The following SLC27A2 variants were observed in gnomAD, a reference collection of about 807,000 sequenced individuals.
SLC27A2 encodes the protein solute carrier family 27 member 2.
Under a neutral mutation model 60.0 loss-of-function variants are expected in SLC27A2, and 54 were observed. The ratio of observed to expected loss-of-function variants is 0.90; its 90% CI spans 0.72 to 1.13. The LOEUF is 1.13. Ranked by LOEUF, SLC27A2 falls within the 50% of genes most tolerant of loss-of-function variation. The pLI, the probability that SLC27A2 is intolerant of heterozygous loss-of-function variation, is 0.00. For missense variants in SLC27A2, 739 were observed against 777.6 expected (o/e 0.95, Z 0.59); for synonymous variants, 297 against 297.6 (o/e 1.00, Z 0.02).
chr15:50,205,288 T>A lies in SLC27A2; in HGVS notation c.897T>A (p.Asp299Glu). 6.2e-7 allele frequency: 1 copy of A among 1,609,976 alleles called. No individual in the cohort carries two copies. Among genetic ancestry groups the A allele is most frequent in the Non-Finnish European group, 8.5e-7 (1 of 1,177,364 alleles). The change falls in exon 4 of 10, where the codon GAT becomes GAA. Residue 299 changes from aspartate to glutamate, a missense_variant. Asp to Glu is a conservative substitution (Grantham distance 45). Transcript: ENST00000267842. ...AATTTTCAGCCAGCCAGTTTTGGGA[T>A]GACTGCAGAAAATACAACGTCACTG... ...RTKFSASQFW[D>E]DCRKYNVTVI...
chr15:50,229,063 G>C (rs1354473646), intron 8 of SLC27A2, 21 bp downstream of exon 8: 8 of 1,439,960 alleles, frequency 5.6e-6, no homozygotes, highest in Non-Finnish European at 7.5e-6. Flanking sequence ...GATATGATCT[G>C]TACCTAACCC....
chr15:50,186,848 T>C (rs1036523174), intron 1 of SLC27A2, among the ~76,000 whole-genome samples: 1 of 152,202 alleles, frequency 6.6e-6, no homozygotes, highest in Non-Finnish European at 1.5e-5. Flanking sequence ...CAAATATTTT[T>C]TTCTCACTTA....
At chr15:50,206,611 A>G (rs570051654) in intron 4 of SLC27A2, among the ~76,000 whole-genome samples, 28 of 152,150 alleles carry the variant, frequency 1.8e-4, no homozygotes, top group African/African-American at 6.7e-4. Context: ...CCAGCTTGTC[A>G]CTGCATTTCA....
intron 7 of SLC27A2, among the ~76,000 whole-genome samples, chr15:50,227,530 A>G (rs1334347257): frequency 1.3e-5 from 2 of 152,226 alleles, no homozygotes; most frequent in African/African-American, 4.8e-5. Context: ...TTTAGATAAA[A>G]TCAGATGCAA....
intron 1 of SLC27A2, among the ~76,000 whole-genome samples, chr15:50,193,028 C>T (rs1168725662): frequency 6.6e-6 from 1 of 152,144 alleles, no homozygotes; most frequent in Admixed American, 6.6e-5. Flanking sequence ...ACCTCTTCTC[C>T]CAACCTTATT....
rs1196413522 is a variant in SLC27A2, at chr15:50,228,985, A to G, written c.1498A>G (p.Thr500Ala). The change falls in exon 8 of 10, where the codon ACA becomes GCA. Residue 500 changes from threonine to alanine, a missense_variant. Transcript: ENST00000267842. ...ENVATTEVAD[T>A]VGLVDFVQEV... ...TGTGGCCACCACTGAAGTTGCTGATACAGTTGGACTGGTTGATTTTGTCCA... is the reference window on the plus strand; with the variant it reads ...TGTGGCCACCACTGAAGTTGCTGATGCAGTTGGACTGGTTGATTTTGTCCA... 1.2e-6 allele frequency: 2 copies of G among 1,614,106 alleles called. No individual in the cohort carries two copies. The highest frequency in any genetic ancestry group is 2.2e-5 in the South Asian group (2 of 91,076).
intron 8 of SLC27A2, among the ~76,000 whole-genome samples, chr15:50,230,609 C>T (rs557828931): frequency 2.0e-5 from 3 of 152,152 alleles, no homozygotes; most frequent in South Asian, 2.1e-4. Flanking sequence ...GACAATGACA[C>T]GAGGGGAAAT....
intron 4 of SLC27A2, among the ~76,000 whole-genome samples, chr15:50,212,719 G>A (rs1350157039): frequency 6.6e-6 from 1 of 152,104 alleles, no homozygotes; most frequent in Non-Finnish European, 1.5e-5. Context: ...AGATACAGTC[G>A]TTTTCAGACA....
chr15:50,223,168 A>G lies in SLC27A2; in HGVS notation c.1167+9A>G, dbSNP rs994959895. 4.4e-6 allele frequency: 7 copies of G among 1,600,166 alleles called. No homozygotes were observed. The highest frequency in any genetic ancestry group is 4.0e-5 in the African/African-American group (3 of 74,500). On this transcript the variant is annotated intron_variant, in intron 5 of 9. Transcript: ENST00000267842. ...TAAACTACCTACAGAAAGTAAGTAC[A>G]TTGAAAAATGAGAGCATACGTAGCC...
intron 8 of SLC27A2, among the ~76,000 whole-genome samples, 170 bp from the exon 9 acceptor site, chr15:50,233,698 A>G (rs963411697): frequency 7.9e-5 from 12 of 152,342 alleles, no homozygotes; most frequent in African/African-American, 2.6e-4. Context: ...TATTATTGCT[A>G]TTAGTATTAG....
chr15:50,229,562 G>A (rs935211301), intron 8 of SLC27A2, among the ~76,000 whole-genome samples: 1 of 152,202 alleles, frequency 6.6e-6, no homozygotes, highest in African/African-American at 2.4e-5. Context: ...GCAGAGTCAG[G>A]AGGGCCAGTG....
chr15:50,221,076 C>T (rs1052452894), intron 4 of SLC27A2, among the ~76,000 whole-genome samples: 16 of 151,958 alleles, frequency 1.1e-4, no homozygotes, highest in African/African-American at 3.9e-4. Context: ...TATGGTAGCA[C>T]GCACCTGTAG....
intron 1 of SLC27A2, among the ~76,000 whole-genome samples, chr15:50,195,768 A>C (rs569255230): frequency 1.3e-5 from 2 of 151,736 alleles, no homozygotes; most frequent in East Asian, 3.9e-4. Flanking sequence ...TAGCCTCCCC[A>C]AGGTAATACC....
chr15:50,214,368 A>C (rs1474638640), intron 4 of SLC27A2, among the ~76,000 whole-genome samples: 1 of 152,188 alleles, frequency 6.6e-6, no homozygotes, highest in African/African-American at 2.4e-5. Flanking sequence ...AGATGGATTC[A>C]CAGCAGTATT....
At chr15:50,209,940 A>G (rs2140905802) in intron 4 of SLC27A2, among the ~76,000 whole-genome samples, 1 of 152,352 alleles carries the variant, frequency 6.6e-6, no homozygotes, top group Non-Finnish European at 1.5e-5. Context: ...GCTAAAAGAT[A>G]ACAGTGACTG....
In SLC27A2 at chr15:50,182,267, C is replaced by G. The variant is rs376271054; in HGVS notation, c.-161C>G. On this transcript the variant is annotated 5_prime_UTR_variant, in exon 1 of 10. Coordinates refer to ENST00000267842, the MANE Select transcript of SLC27A2 (RefSeq NM_003645.4). ...CCGGAGCCCGCGGCGGTACCTGCAG[C>G]GGAGGAGCTCTGTCTTCCCCTTCAT... 1.1e-5 allele frequency: 13 copies of G among 1,158,730 alleles called. No individual in the cohort carries two copies. The highest frequency in any genetic ancestry group is 1.3e-5 in the Non-Finnish European group (12 of 907,192). 71.8% of individuals were successfully genotyped at this position (1,158,730 alleles called of 1,614,324 possible).
At position 50,221,000 on chromosome 15, in the gene SLC27A2, C is replaced by G. The variant is rs1312665660; in HGVS notation, c.973-1965C>G. Among the ~76,000 whole-genome samples, 5 of 152,032 alleles carry G rather than the reference C, an allele frequency of 3.3e-5. No individual in the cohort carries two copies. The East Asian group carries it at 9.7e-4, about 29-fold the overall frequency. On this transcript the variant is annotated intron_variant, in intron 4 of 9. Transcript: ENST00000267842. Reference sequence around the variant, plus strand: ...GGAGGATAGCTTGAGGCCAGGAGTTCAAAATGAGCCTGGGCAACATAGTGA... The same window carrying G: ...GGAGGATAGCTTGAGGCCAGGAGTTGAAAATGAGCCTGGGCAACATAGTGA...
intron 6 of SLC27A2, 141 bp downstream of exon 6, chr15:50,226,219 A>G (rs2045277781): frequency 1.8e-6 from 1 of 553,686 alleles, no homozygotes; most frequent in Admixed American, 3.1e-5. Context: ...CCTCCAATAT[A>G]CAGGAATTCC....
chr15:50,223,320 C>T (rs1175506792), intron 5 of SLC27A2, among the ~76,000 whole-genome samples, 161 bp downstream of exon 5: 2 of 152,180 alleles, frequency 1.3e-5, no homozygotes, highest in African/African-American at 2.4e-5. Context: ...GTGATGATGA[C>T]TTCAAAAAAT....
Sources: gnomAD v4.1 joint callset for allele counts (sites outside exome capture counted in the v4.1 genomes callset) on GRCh38, gnomAD v4.1.1 for gene constraint, MANE v1.5 for transcripts, NCBI Gene and HGNC (gene_info 2026-07-23, HGNC 2026-07-21) for gene names.